The following PRKG1 variants were observed in gnomAD, a reference collection of about 807,000 sequenced individuals.
PRKG1 encodes the protein cGMP-dependent protein kinase 1.
Under a neutral mutation model 88.1 loss-of-function variants are expected in PRKG1, and 35 were observed. The observed-to-expected ratio is 0.40, with a 90% CI of 0.30 to 0.53. PRKG1 has a LOEUF of 0.53. Ranked by LOEUF, PRKG1 falls within the 20% of genes least tolerant of loss-of-function variation. PRKG1 has a pLI of 0.59. For missense variants in PRKG1, 540 were observed against 839.8 expected, an observed-to-expected ratio of 0.64 and a Z score of 4.41; for synonymous variants, 303 against 292.5, an observed-to-expected ratio of 1.04 and a Z score of -0.37.
At position 51,858,559 on chromosome 10, in the gene PRKG1, T is replaced by TA. The variant is rs1173572561; in HGVS notation, c.699-48938dup. ...TCAGGCATGAACATATTGCAGATTC[T>TA]AAAAAAAAAACCCTATTAAAACATT... On this transcript the variant is annotated intron_variant, in intron 4 of 17. Coordinates refer to ENST00000373980, the MANE Select transcript of PRKG1 (RefSeq NM_006258.4). Among the ~76,000 whole-genome samples the TA allele has an allele frequency of 6.4e-3, 891 of 138,946 alleles. 8 individuals carry two copies. The highest frequency in any genetic ancestry group is 0.02 in the African/African-American group (763 of 37,996). 91.2% of individuals were successfully genotyped at this position (138,946 alleles called of 152,430 possible).
At chr10:52,291,224 G>A (rs184804885) in intron 17 of PRKG1, among the ~76,000 whole-genome samples, 136 of 149,524 alleles carry the variant, frequency 9.1e-4, no homozygotes, top group Non-Finnish European at 1.6e-3. Context: ...CTGGGCCTAC[G>A]TGATCACTCT....
In PRKG1 at chr10:51,620,170, G is replaced by A. The variant is rs117695505; in HGVS notation, c.592+152334G>A. On this transcript the variant is annotated intron_variant, in intron 3 of 17. Transcript: ENST00000373980. ...GATAACTTGGACTATAGGGAAATTTGCATTCCAAATTTTAGCATAATAAAT... is the reference window on the plus strand; with the variant it reads ...GATAACTTGGACTATAGGGAAATTTACATTCCAAATTTTAGCATAATAAAT... 8.5e-3 allele frequency among the ~76,000 whole-genome samples: 1,289 copies of A among 152,128 alleles called. 17 individuals are homozygous for A. Among genetic ancestry groups the A allele is most frequent in the Middle Eastern group, 0.031 (9 of 294 alleles).
chr10:52,209,336 G>GTATTACA (rs1839899651), intron 9 of PRKG1, among the ~76,000 whole-genome samples: 1 of 152,150 alleles, frequency 6.6e-6, no homozygotes, highest in Admixed American at 6.6e-5. Flanking sequence ...GTGTCAGAAA[G>GTATTACA]TATTACACTT....
At chr10:51,215,918 G>A (rs932958485) in intron 2 of PRKG1, among the ~76,000 whole-genome samples, 4 of 152,336 alleles carry the variant, frequency 2.6e-5, no homozygotes, top group Admixed American at 2.0e-4. Context: ...AGTGTTCATG[G>A]AAGGTGTCTT....
intron 4 of PRKG1, among the ~76,000 whole-genome samples, chr10:51,873,837 G>T (rs1434223348): frequency 6.6e-6 from 1 of 152,122 alleles, no homozygotes; most frequent in East Asian, 1.9e-4. Context: ...CCAAGAAACA[G>T]AATTTTTATA....
intron 12 of PRKG1, among the ~76,000 whole-genome samples, chr10:52,277,350 C>A (rs979008943): frequency 6.6e-6 from 1 of 152,110 alleles, no homozygotes; most frequent in Non-Finnish European, 1.5e-5. Flanking sequence ...AACCCCCAAC[C>A]TCCACCCTGA....
chr10:51,798,362 C>G (rs978848285), intron 3 of PRKG1, among the ~76,000 whole-genome samples: 1 of 151,974 alleles, frequency 6.6e-6, no homozygotes, highest in African/African-American at 2.4e-5. Flanking sequence ...GTGTAAAGTG[C>G]TATCTCATGG....
intron 2 of PRKG1, among the ~76,000 whole-genome samples, chr10:51,364,793 T>C (rs780148782): frequency 9.2e-5 from 14 of 151,932 alleles, no homozygotes; most frequent in Non-Finnish European, 1.8e-4. Context: ...GGAGTGGCTT[T>C]ATCACGATTA....
chr10:51,035,582 G>A (rs577224933), intron 1 of PRKG1, among the ~76,000 whole-genome samples: 5 of 152,094 alleles, frequency 3.3e-5, no homozygotes, highest in African/African-American at 7.2e-5. Context: ...GACACAGAGC[G>A]CTCCTTACTT....
At chr10:52,286,587 CTAAA>C (rs1842121334) in intron 14 of PRKG1, among the ~76,000 whole-genome samples, 1 of 151,964 alleles carries the variant, frequency 6.6e-6, no homozygotes, top group South Asian at 2.1e-4. Flanking sequence ...TAAAATAACA[CTAAA>C]ACCAACAAAA....
At chr10:52,280,989 CTG>C (rs1374918538) in intron 13 of PRKG1, 59 bp downstream of exon 13, 198 of 1,541,948 alleles carry the variant, frequency 1.3e-4, no homozygotes, top group Non-Finnish European at 3.2e-5. Context: ...GTTTATAAAA[CTG>C]TGTTCATTTG....
intron 3 of PRKG1, among the ~76,000 whole-genome samples, chr10:51,627,139 T>C (rs1210505131): frequency 6.6e-6 from 1 of 152,146 alleles, no homozygotes; most frequent in Non-Finnish European, 1.5e-5. Context: ...ACATAGTCTT[T>C]CAATTAAGCC....
At chr10:51,485,620 C>CTACT (rs1203712996) in intron 3 of PRKG1, among the ~76,000 whole-genome samples, 1 of 152,160 alleles carries the variant, frequency 6.6e-6, no homozygotes, top group Non-Finnish European at 1.5e-5. Flanking sequence ...ACTTAAGAAT[C>CTACT]TACTTATGAG....
At chr10:51,191,842 T>G (rs1444809666) in intron 2 of PRKG1, among the ~76,000 whole-genome samples, 1 of 151,792 alleles carries the variant, frequency 6.6e-6, no homozygotes, top group Non-Finnish European at 1.5e-5. Flanking sequence ...GTCTATTACA[T>G]CCCCTAGGCA....
chr10:51,264,486 TG>T (rs1295830845), intron 2 of PRKG1, among the ~76,000 whole-genome samples: 5 of 152,214 alleles, frequency 3.3e-5, no homozygotes, highest in African/African-American at 1.2e-4. Flanking sequence ...AAGTACAATG[TG>T]AAAAATATAC....
At chr10:51,736,723 A>G (rs1161839574) in intron 3 of PRKG1, among the ~76,000 whole-genome samples, 1 of 150,284 alleles carries the variant, frequency 6.7e-6, no homozygotes, top group African/African-American at 2.5e-5. Flanking sequence ...GTCCTCCTGG[A>G]TTCAAGCGGT....
intron 3 of PRKG1, among the ~76,000 whole-genome samples, chr10:51,556,257 T>C (rs12255211): frequency 0.07 from 10,637 of 152,084 alleles, 1,225 homozygotes; most frequent in African/African-American, 0.24. Context: ...GAAGTAAAGT[T>C]GCTTTCTGAT....
chr10:52,209,870 C>G (rs112906090), intron 9 of PRKG1, among the ~76,000 whole-genome samples: 102 of 152,218 alleles, frequency 6.7e-4, no homozygotes, highest in African/African-American at 2.2e-3. Context: ...CCCAGTTGAC[C>G]TCCCCTCCCT....
At chr10:51,751,372 G>A (rs2132509854) in intron 3 of PRKG1, among the ~76,000 whole-genome samples, 1 of 152,102 alleles carries the variant, frequency 6.6e-6, no homozygotes, top group African/African-American at 2.4e-5. Context: ...TGAGTTGCTG[G>A]GATTAAAGGC....
Sources: allele counts gnomAD v4.1 joint callset (sites outside exome capture counted in the v4.1 genomes callset), GRCh38; gene constraint gnomAD v4.1.1; transcripts MANE v1.5; gene names NCBI Gene and HGNC (gene_info 2026-07-23, HGNC 2026-07-21).